The following OR7A10 variants were observed in gnomAD, a reference collection of about 807,000 sequenced individuals.
OR7A10 encodes olfactory receptor 7A10.
For missense variants in OR7A10, 358 were observed against 370.1 expected (o/e 0.97, Z 0.27); for synonymous variants, 144 against 144.5 (o/e 1.00, Z 0.02).
In OR7A10 at chr19:14,841,572, G is replaced by A; in HGVS notation, c.306C>T (p.Cys102=). 6.2e-7 allele frequency: 1 copy of A among 1,614,192 alleles called. No homozygotes were observed. The highest frequency in any genetic ancestry group is 1.1e-5 in the South Asian group (1 of 91,084). ...ITYAGCITQM[C]FFLLFVGLDN... is the part of the protein sequence containing the mutation. ...CCAATCCTACAAAGAGTAAGAAAAA[G>A]CACATCTGGGTGATGCAGCCTGCAT... The change falls in exon 2 of 2, where the codon TGC becomes TGT. Residue 102 remains cysteine (C), a synonymous_variant. Coordinates refer to ENST00000641129, the MANE Select transcript of OR7A10 (RefSeq NM_001005190.2).
At chr19:14,848,453 A>G (rs2044953851) in intron 1 of OR7A10, 47 bp downstream of exon 1, 1 of 152,182 alleles carries the variant, frequency 6.6e-6, no homozygotes, top group African/African-American at 2.4e-5. Context: ...CTATGTTCAC[A>G]ACTTGCAATC....
intron 1 of OR7A10, among the ~76,000 whole-genome samples, chr19:14,842,615 T>C (rs1354632149): frequency 3.3e-5 from 5 of 152,180 alleles, no homozygotes; most frequent in Admixed American, 6.5e-5. Context: ...GAACATATGG[T>C]ATTTGGTTTC....
At chr19:14,843,200 T>C (rs796295618) in intron 1 of OR7A10, among the ~76,000 whole-genome samples, 3 of 152,314 alleles carry the variant, frequency 2.0e-5, no homozygotes, top group South Asian at 2.1e-4. Flanking sequence ...GCTGAGGTTG[T>C]GGAGAAAAGG....
Position 14,840,783 on chromosome 19 carries a change from A to G in OR7A10, c.*165T>C. The stretch of plus-strand genomic sequence containing the variant: ...TAAGGTCATCTCTGACTCTAAGAAG[A>G]ACAGTGTAAGCTCTATAAAGTAGTT... On this transcript the variant is annotated 3_prime_UTR_variant, in exon 2 of 2. Coordinates refer to ENST00000641129, the MANE Select transcript of OR7A10 (RefSeq NM_001005190.2). 1 of 529,370 alleles carries G rather than the reference A, an allele frequency of 1.9e-6. No homozygotes were observed. Among genetic ancestry groups the G allele is most frequent in the Admixed American group, 3.4e-5 (1 of 29,810 alleles). The allele number at this position is 529,370 out of a possible 1,614,324, so 32.8% of individuals were successfully genotyped here.
chr19:14,845,875 A>T (rs1050281919), intron 1 of OR7A10, among the ~76,000 whole-genome samples: 1 of 152,166 alleles, frequency 6.6e-6, no homozygotes, highest in Non-Finnish European at 1.5e-5. Context: ...CACCCACTCA[A>T]GTGAGAACGA....
rs1458115533 is a variant in OR7A10, at chr19:14,840,784, A to G, written c.*164T>C. Reference sequence around the variant, plus strand: ...AAGGTCATCTCTGACTCTAAGAAGAACAGTGTAAGCTCTATAAAGTAGTTG... The same window carrying G: ...AAGGTCATCTCTGACTCTAAGAAGAGCAGTGTAAGCTCTATAAAGTAGTTG... On this transcript the variant is annotated 3_prime_UTR_variant, in exon 2 of 2. Coordinates refer to ENST00000641129, the MANE Select transcript of OR7A10 (RefSeq NM_001005190.2). The G allele has an allele frequency of 2.3e-5, 12 of 529,072 alleles. No individual in the cohort carries two copies. Among genetic ancestry groups the G allele is most frequent in the East Asian group, 2.9e-5 (1 of 34,044 alleles). The allele number at this position is 529,072 out of a possible 1,614,324, so 32.8% of individuals were successfully genotyped here. A position where few individuals can be genotyped will look rare whatever the true frequency, so the allele number is the denominator to read the frequency against.
intron 1 of OR7A10, among the ~76,000 whole-genome samples, chr19:14,842,245 T>C (rs2044919352): frequency 6.6e-6 from 1 of 152,184 alleles, no homozygotes; most frequent in African/African-American, 2.4e-5. Flanking sequence ...TAGGTCCCAG[T>C]ATCTATTCTC....
In OR7A10 at chr19:14,841,817, G is replaced by T. The variant is rs1248662730; in HGVS notation, c.61C>A (p.Pro21Thr). 3 of 1,613,578 alleles carry T rather than the reference G, an allele frequency of 1.9e-6. No individual in the cohort carries two copies. The stretch of plus-strand genomic sequence containing the variant: ...CCAAAGAGGAAGGCCTGCAATTCTG[G>T]TTCCTCTGAAATTCCCAGGAGAAGA... ...EFLLLGISEE[P>T]ELQAFLFGLF... The change falls in exon 2 of 2, where the codon CCA becomes ACA. Residue 21 changes from proline (P) to threonine (T), a missense_variant. Pro to Thr is a conservative substitution (Grantham distance 38). Coordinates refer to ENST00000641129, the MANE Select transcript of OR7A10 (RefSeq NM_001005190.2).
rs1004268570 is a variant in OR7A10, at chr19:14,840,689, T to A, written c.*259A>T. 5.4e-5 allele frequency: 17 copies of A among 313,928 alleles called. No homozygotes were observed. Among genetic ancestry groups the A allele is most frequent in the African/African-American group, 3.4e-4 (16 of 46,772 alleles). The allele number at this position is 313,928 out of a possible 1,614,324, so 19.4% of individuals were successfully genotyped here. Reference sequence around the variant, plus strand: ...AGGCTCCTCTACTTCAATGAGTAGATGTACCCCAACGAAAACAAATATTCC... The same window carrying A: ...AGGCTCCTCTACTTCAATGAGTAGAAGTACCCCAACGAAAACAAATATTCC... On this transcript the variant is annotated 3_prime_UTR_variant, in exon 2 of 2. Coordinates refer to ENST00000641129, the MANE Select transcript of OR7A10 (RefSeq NM_001005190.2).
chr19:14,841,449 C>A lies in OR7A10; in HGVS notation c.429G>T (p.Leu143=). 1 of 1,614,156 alleles carries A rather than the reference C, an allele frequency of 6.2e-7. No homozygotes were observed. The highest frequency in any genetic ancestry group is 8.5e-7 in the Non-Finnish European group (1 of 1,180,026). The part of the protein sequence containing the change: ...MVIMNPQLCG[L]LVLASWIMSV... ...TCATGATCCAGGATGCCAGAACCAG[C>A]AGTCCACAGAGTTGAGGGTTCATAA... The change falls in exon 2 of 2, where the codon CTG becomes CTT. Residue 143 remains leucine (L), a synonymous_variant. Coordinates refer to ENST00000641129, the MANE Select transcript of OR7A10 (RefSeq NM_001005190.2).
intron 1 of OR7A10, among the ~76,000 whole-genome samples, chr19:14,842,310 G>A (rs149174530): frequency 4.6e-4 from 70 of 152,334 alleles, no homozygotes; most frequent in African/African-American, 1.5e-3. Context: ...GGAGTGCAGT[G>A]GTGCAGTCTT....
chr19:14,841,894 CAGAG>C lies in OR7A10; in HGVS notation c.-12-9_-12-6del, dbSNP rs141373725. On this transcript the variant is annotated splice_polypyrimidine_tract_variant and splice_region_variant and intron_variant, in intron 1 of 1. Coordinates refer to ENST00000641129, the MANE Select transcript of OR7A10 (RefSeq NM_001005190.2). ...TGATTTCATCTTGTGATGTGACTAC[CAGAG>C]AGAGAGAGAGAGAGAGAGAGAGAGT... 7.5e-3 allele frequency: 9,410 copies of C among 1,249,472 alleles called. No individual in the cohort carries two copies. Among genetic ancestry groups the C allele is most frequent in the South Asian group, 0.011 (735 of 69,484 alleles). 77.4% of individuals were successfully genotyped at this position (1,249,472 alleles called of 1,614,324 possible). A position where few individuals can be genotyped will look rare whatever the true frequency, so the allele number is the denominator to read the frequency against.
rs778411259 is a variant in OR7A10, at chr19:14,841,420, A to T, written c.458T>A (p.Val153Asp). ...TAAGCTTTGTAACATGGAATTCAGA[A>T]CACTCATGATCCAGGATGCCAGAAC... The part of the protein sequence containing the change: ...LLVLASWIMS[V>D]LNSMLQSLMV... Residue 153 changes from valine to aspartate, a missense_variant, in exon 2 of 2, where the codon GTT becomes GAT. Transcript: ENST00000641129. The T allele has an allele frequency of 4.3e-6, 7 of 1,614,052 alleles. No individual in the cohort carries two copies. Among genetic ancestry groups the T allele is most frequent in the Non-Finnish European group, 5.1e-6 (6 of 1,180,014 alleles).
chr19:14,844,850 A>C (rs1037871069), intron 1 of OR7A10, among the ~76,000 whole-genome samples: 5 of 150,948 alleles, frequency 3.3e-5, no homozygotes, highest in African/African-American at 7.3e-5. Flanking sequence ...TTTAGTAGAG[A>C]TGGAGTTTCG....
intron 1 of OR7A10, 23 bp from the exon 2 acceptor site, chr19:14,841,912 G>C (rs373786471): frequency 2.1e-6 from 3 of 1,438,878 alleles, no homozygotes; most frequent in Non-Finnish European, 2.9e-6. Flanking sequence ...GAGAGAGAGA[G>C]AGAGAGAGAG....
chr19:14,843,768 G>A (rs1014573535), intron 1 of OR7A10, among the ~76,000 whole-genome samples: 2 of 152,146 alleles, frequency 1.3e-5, no homozygotes, highest in Non-Finnish European at 2.9e-5. Context: ...TGAGTAAGTG[G>A]TGCTATAAAA....
intron 1 of OR7A10, 31 bp from the exon 2 acceptor site, chr19:14,841,920 G>C (rs1241621477): frequency 4.5e-6 from 6 of 1,337,104 alleles, no homozygotes; most frequent in African/African-American, 1.5e-5. Flanking sequence ...GAGAGAGAGA[G>C]AGTGAAAGAA....
At chr19:14,843,370 C>T (rs2044924963) in intron 1 of OR7A10, among the ~76,000 whole-genome samples, 1 of 152,192 alleles carries the variant, frequency 6.6e-6, no homozygotes, top group South Asian at 2.1e-4. Context: ...GTCACCTTGT[C>T]ATCATTTTTG....
At position 14,840,765 on chromosome 19, in the gene OR7A10, A is replaced by C. The variant is rs2044905832; in HGVS notation, c.*183T>G. ...ATTATATTCCGTCATATTTAAGGTC[A>C]TCTCTGACTCTAAGAAGAACAGTGT... On this transcript the variant is annotated 3_prime_UTR_variant, in exon 2 of 2. Coordinates refer to ENST00000641129, the MANE Select transcript of OR7A10 (RefSeq NM_001005190.2). 3 of 489,228 alleles carry C rather than the reference A, an allele frequency of 6.1e-6. No homozygotes were observed. 30.3% of individuals were successfully genotyped at this position (489,228 alleles called of 1,614,324 possible). A position where few individuals can be genotyped will look rare whatever the true frequency, so the allele number is the denominator to read the frequency against.
Sources: allele counts gnomAD v4.1 joint callset (sites outside exome capture counted in the v4.1 genomes callset), GRCh38; gene constraint gnomAD v4.1.1; transcripts MANE v1.5; gene names NCBI Gene and HGNC (gene_info 2026-07-23, HGNC 2026-07-21).